ADAM18: variants seen among roughly 807,000 people sequenced by gnomAD.
ADAM18 encodes the protein disintegrin and metalloproteinase domain-containing protein 18.
In ADAM18, 117 loss-of-function variants were observed where a neutral mutation model predicts 94.4. The ratio of observed to expected loss-of-function variants is 1.24; its 90% CI spans 1.07 to 1.45. The LOEUF (loss-of-function observed/expected upper bound fraction) is 1.45. Among genes scored for constraint, ADAM18 ranks in the 40% most tolerant of loss-of-function variants. The pLI, the probability that ADAM18 is intolerant of heterozygous loss-of-function variation, is 0.00. For missense variants in ADAM18, 936 were observed against 880.0 expected (o/e 1.06, Z -0.81); for synonymous variants, 327 against 291.6 (o/e 1.12, Z -1.24).
intron 17 of ADAM18, among the ~76,000 whole-genome samples, chr8:39,706,261 T>A (rs1822238920): frequency 6.6e-6 from 1 of 152,120 alleles, no homozygotes; most frequent in African/African-American, 2.4e-5. Flanking sequence ...GTATGTTATT[T>A]TATTATGGAA....
chr8:39,632,519 A>C (rs539836826), intron 7 of ADAM18, among the ~76,000 whole-genome samples: 1 of 152,248 alleles, frequency 6.6e-6, no homozygotes, highest in Non-Finnish European at 1.5e-5. Flanking sequence ...CCTACTTATC[A>C]CATTTTAATC....
chr8:39,597,847 A>G (rs1164557868), intron 2 of ADAM18, among the ~76,000 whole-genome samples: 3 of 152,230 alleles, frequency 2.0e-5, no homozygotes, highest in African/African-American at 7.2e-5. Flanking sequence ...GATTGGAACT[A>G]TCTTGAATCT....
chr8:39,638,134 G>C (rs886785486), intron 9 of ADAM18, among the ~76,000 whole-genome samples: 23 of 151,548 alleles, frequency 1.5e-4, no homozygotes, highest in African/African-American at 5.6e-4. Context: ...TAGTAAGATT[G>C]CTTCTTCCAC....
Position 39,692,584 on chromosome 8 carries a change from GTTTGT to G in ADAM18, c.1822-7_1822-3del, listed in dbSNP as rs1268691385. Reference sequence around the variant, plus strand: ...GACATTTGTGAATTGTAAAATTTTTGTTTGTTTTGTTTTAGTACTGTGTAAATAAA... The same window carrying G: ...GACATTTGTGAATTGTAAAATTTTTGTTTGTTTTAGTACTGTGTAAATAAA... On this transcript the variant is annotated splice_polypyrimidine_tract_variant and intron_variant, in intron 16 of 19. Transcript: ENST00000265707. 1.3e-6 allele frequency: 2 copies of G among 1,517,228 alleles called. No homozygotes were observed. The highest frequency in any genetic ancestry group is 2.8e-5 in the African/African-American group (2 of 71,130). 94.0% of individuals were successfully genotyped at this position (1,517,228 alleles called of 1,614,324 possible).
intron 18 of ADAM18, among the ~76,000 whole-genome samples, chr8:39,718,760 T>TAA (rs1268412091): frequency 6.6e-6 from 1 of 151,384 alleles, no homozygotes; most frequent in Non-Finnish European, 1.5e-5. Context: ...CATCAGAAAA[T>TAA]AAAATACTTG....
At chr8:39,686,165 G>A (rs867186143) in intron 16 of ADAM18, among the ~76,000 whole-genome samples, 2 of 151,978 alleles carry the variant, frequency 1.3e-5, no homozygotes, top group East Asian at 1.9e-4. Flanking sequence ...TTCAGCCTCC[G>A]GTCAGTAGTG....
At chr8:39,615,239 A>G (rs1419687384) in intron 6 of ADAM18, among the ~76,000 whole-genome samples, 1 of 151,260 alleles carries the variant, frequency 6.6e-6, no homozygotes, top group Non-Finnish European at 1.5e-5. Context: ...AAAAAAAAAA[A>G]CATACGGACC....
chr8:39,655,662 G>A (rs1438654039), intron 12 of ADAM18, among the ~76,000 whole-genome samples: 1 of 151,908 alleles, frequency 6.6e-6, no homozygotes, highest in Non-Finnish European at 1.5e-5. Flanking sequence ...GCAACAAAAA[G>A]AAAATGCATA....
rs188755919 is a variant in ADAM18, at chr8:39,603,274, A to G, written c.133-3033A>G. ...GTCTTGATTATGATAGCTTTAGAGG[A>G]AAATCTTGAAATTAGATAAGGTAAT... On this transcript the variant is annotated intron_variant, in intron 2 of 19. Coordinates refer to ENST00000265707, the MANE Select transcript of ADAM18 (RefSeq NM_014237.3). 2.3e-3 allele frequency among the ~76,000 whole-genome samples: 346 copies of G among 152,216 alleles called. 1 individual carries two copies. Among genetic ancestry groups the G allele is most frequent in the African/African-American group, 7.8e-3 (322 of 41,530 alleles).
chr8:39,677,964 A>C (rs1385550887), intron 15 of ADAM18, among the ~76,000 whole-genome samples: 1 of 152,218 alleles, frequency 6.6e-6, no homozygotes, highest in Non-Finnish European at 1.5e-5. Context: ...AAAGCATGGA[A>C]GTATCTATTA....
chr8:39,684,626 A>G (rs1821559303), intron 16 of ADAM18, among the ~76,000 whole-genome samples: 1 of 152,116 alleles, frequency 6.6e-6, no homozygotes, highest in South Asian at 2.1e-4. Flanking sequence ...TTCTGTACTC[A>G]TTGTTGCCCT....
rs574639483 is a variant in ADAM18, at chr8:39,716,397, A to G, written c.2018-7351A>G. Among the ~76,000 whole-genome samples, 8 of 151,946 alleles carry G rather than the reference A, an allele frequency of 5.3e-5. No homozygotes were observed. The South Asian group carries it at 1.0e-3, about 20-fold the overall frequency. Reference sequence around the variant, plus strand: ...CAGCCCATAATTTTTGGCATGTTGCATATTCATATTCATTTGTCTTGAGGT... The same window carrying G: ...CAGCCCATAATTTTTGGCATGTTGCGTATTCATATTCATTTGTCTTGAGGT... On this transcript the variant is annotated intron_variant, in intron 18 of 19. Transcript: ENST00000265707.
intron 3 of ADAM18, 147 bp from the exon 4 acceptor site, chr8:39,608,895 T>A (rs111568629): frequency 5.1e-6 from 3 of 583,332 alleles, no homozygotes; most frequent in African/African-American, 3.9e-5. Flanking sequence ...GAATTTCAAC[T>A]GTTATGCCTC....
At chr8:39,714,728 A>C (rs1450821521) in intron 18 of ADAM18, among the ~76,000 whole-genome samples, 1 of 152,118 alleles carries the variant, frequency 6.6e-6, no homozygotes, top group Non-Finnish European at 1.5e-5. Flanking sequence ...GAAAATCAGT[A>C]AGTATAGTAA....
chr8:39,614,056 A>G (rs1437814706), intron 6 of ADAM18, among the ~76,000 whole-genome samples: 1 of 152,208 alleles, frequency 6.6e-6, no homozygotes, highest in Non-Finnish European at 1.5e-5. Flanking sequence ...AACATATTTG[A>G]GGATATTTTT....
intron 11 of ADAM18, among the ~76,000 whole-genome samples, chr8:39,647,665 G>A (rs1433493319): frequency 6.6e-6 from 1 of 152,202 alleles, no homozygotes; most frequent in East Asian, 1.9e-4. Context: ...CGGCTTTCCA[G>A]GGCAGAGGTC....
intron 2 of ADAM18, among the ~76,000 whole-genome samples, chr8:39,590,051 G>A (rs570811836): frequency 2.0e-5 from 3 of 150,236 alleles, no homozygotes; most frequent in South Asian, 4.3e-4. Context: ...TCTAGAACTA[G>A]AAATACCATT....
chr8:39,590,812 A>G (rs564347518), intron 2 of ADAM18, among the ~76,000 whole-genome samples: 1 of 152,182 alleles, frequency 6.6e-6, no homozygotes, highest in Non-Finnish European at 1.5e-5. Context: ...GAAATAGAAC[A>G]TAAGAGCAAG....
At chr8:39,698,133 T>G (rs1470233842) in intron 17 of ADAM18, among the ~76,000 whole-genome samples, 1 of 151,894 alleles carries the variant, frequency 6.6e-6, no homozygotes, top group Non-Finnish European at 1.5e-5. Context: ...CAAGCTTTCA[T>G]TCTTTGTTCT....
Sources: allele counts gnomAD v4.1 joint callset (sites outside exome capture counted in the v4.1 genomes callset), GRCh38; gene constraint gnomAD v4.1.1; transcripts MANE v1.5; gene names NCBI Gene and HGNC (gene_info 2026-07-23, HGNC 2026-07-21).